EIF4G3: variants seen among roughly 807,000 people sequenced by gnomAD.
EIF4G3 encodes the protein eukaryotic translation initiation factor 4 gamma 3, also known as eIF-4-gamma 3.
A neutral mutation model predicts 186.4 loss-of-function variants in EIF4G3; 34 were observed. The ratio of observed to expected loss-of-function variants is 0.18; its 90% CI spans 0.14 to 0.24. The LOEUF is 0.24. Among genes scored for constraint, EIF4G3 ranks in the 10% least tolerant of loss-of-function variants. The pLI, the probability that EIF4G3 is intolerant of heterozygous loss-of-function variation, is 1.00. For synonymous variants in EIF4G3, 673 were observed against 679.5 expected (o/e 0.99, Z 0.15); for missense variants, 1,536 against 1,948.5 (o/e 0.79, Z 3.99).
chr1:21,159,496 G>C (rs1425125945), intron 2 of EIF4G3, among the ~76,000 whole-genome samples: 1 of 152,112 alleles, frequency 6.6e-6, no homozygotes, highest in Non-Finnish European at 1.5e-5. Flanking sequence ...CAGCACTTTG[G>C]GAGGCCGAAG....
chr1:20,940,700 G>T (rs2095680733), intron 14 of EIF4G3, among the ~76,000 whole-genome samples: 1 of 152,186 alleles, frequency 6.6e-6, no homozygotes, highest in African/African-American at 2.4e-5. Context: ...CAGAAGATAG[G>T]CTGTGCTGAA....
rs761064914 is a variant in EIF4G3, at chr1:20,980,403, G to C, written c.424C>G (p.Pro142Ala). ...GGACCTGGCCCCGGTGGTTGAACTGGATATTGTTGGGGGGGCCCAACATAA... is the reference window on the plus strand; with the variant it reads ...GGACCTGGCCCCGGTGGTTGAACTGCATATTGTTGGGGGGGCCCAACATAA... Reference protein sequence around the residue: ...PPYVGPPQQYPVQPPGPGPFY... With the variant: ...PPYVGPPQQYAVQPPGPGPFY... The change falls in exon 10 of 37, where the codon CCA becomes GCA. Residue 142 changes from proline (P) to alanine (A), a missense_variant. Pro to Ala is a conservative substitution (Grantham distance 27). Around this residue, in one of 11 missense-constraint regions of EIF4G3, gnomAD observed 194 missense variants for 212.8 expected, o/e 0.91. Coordinates refer to ENST00000602326, the MANE Select transcript of EIF4G3 (RefSeq NM_001391906.1). 2 of 1,544,564 alleles carry C rather than the reference G, an allele frequency of 1.3e-6. No homozygotes were observed. Among genetic ancestry groups the C allele is most frequent in the South Asian group, 1.2e-5 (1 of 80,642 alleles).
intron 3 of EIF4G3, among the ~76,000 whole-genome samples, chr1:21,064,359 C>A (rs2095117226): frequency 6.6e-6 from 1 of 152,146 alleles, no homozygotes; most frequent in Non-Finnish European, 1.5e-5. Flanking sequence ...TATGACAGTA[C>A]TTGCAGACAA....
At chr1:21,169,493 T>C (rs1404904445) in intron 2 of EIF4G3, among the ~76,000 whole-genome samples, 1 of 152,164 alleles carries the variant, frequency 6.6e-6, no homozygotes, top group Non-Finnish European at 1.5e-5. Context: ...AAAGGGGTTG[T>C]CTCCACTAAT....
At chr1:20,891,917 CAG>C (rs763779025) in intron 18 of EIF4G3, among the ~76,000 whole-genome samples, 1 of 151,780 alleles carries the variant, frequency 6.6e-6, no homozygotes, top group Non-Finnish European at 1.5e-5. Context: ...GTGTGAGAAA[CAG>C]AGTATCTCAC....
chr1:20,872,713 CT>C (rs386366427), intron 20 of EIF4G3, among the ~76,000 whole-genome samples: 215 of 81,874 alleles, frequency 2.6e-3, no homozygotes, highest in African/African-American at 5.0e-3. Context: ...ACTTTCTTGC[CT>C]TTTTTTTTTT....
At chr1:20,974,650 A>T (rs527349654) in intron 10 of EIF4G3, among the ~76,000 whole-genome samples, 1 of 152,334 alleles carries the variant, frequency 6.6e-6, no homozygotes, top group African/African-American at 2.4e-5. Context: ...ATTGAGCTAT[A>T]GCTGGACAAA....
intron 4 of EIF4G3, among the ~76,000 whole-genome samples, chr1:21,011,009 A>G (rs904782369): frequency 1.3e-5 from 2 of 152,176 alleles, no homozygotes; most frequent in African/African-American, 4.8e-5. Context: ...AATAAATACT[A>G]AGATGTCACA....
chr1:21,064,627 ATC>A (rs1474569883), intron 3 of EIF4G3: 1 of 152,188 alleles, frequency 6.6e-6, no homozygotes, highest in African/African-American at 2.4e-5. Flanking sequence ...CAAAACCTTG[ATC>A]AGTTAGGAAT....
rs1048927183 is a variant in EIF4G3, at chr1:20,806,794, A to C, written c.*525T>G. On this transcript the variant is annotated 3_prime_UTR_variant, in exon 37 of 37. Transcript: ENST00000602326. ...GAGGCAGGCAGAAAGATTTGATGCC[A>C]AAAAAAAAAAAATCTTTCTTACCTT... 7.1e-6 allele frequency: 1 copy of C among 141,292 alleles called. No homozygotes were observed. Among genetic ancestry groups the C allele is most frequent in the South Asian group, 2.2e-4 (1 of 4,594 alleles). The allele number at this position is 141,292 out of a possible 1,614,324, so 8.8% of individuals were successfully genotyped here.
chr1:21,146,689 G>A (rs1021160703), intron 2 of EIF4G3, among the ~76,000 whole-genome samples: 7 of 152,050 alleles, frequency 4.6e-5, no homozygotes, highest in East Asian at 1.9e-4. Flanking sequence ...CCCAGGAGGT[G>A]GAGGTTGCAG....
intron 19 of EIF4G3, among the ~76,000 whole-genome samples, chr1:20,885,632 T>C (rs2154554884): frequency 6.6e-6 from 1 of 152,278 alleles, no homozygotes; most frequent in African/African-American, 2.4e-5. Context: ...GAATTGACAT[T>C]GTGTATAAAG....
chr1:20,821,310 G>A (rs946630069), intron 33 of EIF4G3, among the ~76,000 whole-genome samples: 1 of 152,242 alleles, frequency 6.6e-6, no homozygotes, highest in African/African-American at 2.4e-5. Flanking sequence ...AGCTGCACCA[G>A]AAATGGTGTG....
Position 20,899,797 on chromosome 1 carries a change from T to A in EIF4G3, c.1899A>T (p.Val633=). 1 of 1,614,186 alleles carries A rather than the reference T, an allele frequency of 6.2e-7. No individual in the cohort carries two copies. Among genetic ancestry groups the A allele is most frequent in the Non-Finnish European group, 8.5e-7 (1 of 1,180,032 alleles). The change falls in exon 16 of 37, where the codon GTA becomes GTT. Residue 633 remains valine (V), a synonymous_variant. Transcript: ENST00000602326. ...VEENGEEAEP[V]RNGAESVSEG... ...CAGAAACACTCTCAGCACCATTACG[T>A]ACTGGCTCAGCTTCTTCTCCATTTT...
chr1:21,026,945 A>AG (rs1328109443), intron 4 of EIF4G3, among the ~76,000 whole-genome samples: 1 of 151,610 alleles, frequency 6.6e-6, no homozygotes, highest in Admixed American at 6.6e-5. Context: ...TCAAAAAAAA[A>AG]AAAAAAAAAA....
intron 12 of EIF4G3, among the ~76,000 whole-genome samples, chr1:20,961,886 TA>T (rs2096578004): frequency 6.6e-6 from 1 of 152,222 alleles, no homozygotes; most frequent in Non-Finnish European, 1.5e-5. Flanking sequence ...CCACTATTTT[TA>T]TCGTAGTCAC....
At chr1:20,962,919 G>GTT (rs200757094) in intron 12 of EIF4G3, among the ~76,000 whole-genome samples, 8 of 123,798 alleles carry the variant, frequency 6.5e-5, no homozygotes, top group African/African-American at 5.7e-5. Context: ...TTTTTTTTTT[G>GTT]TTTTTTTTTT....
chr1:20,842,828 C>T (rs1195521381), intron 29 of EIF4G3, among the ~76,000 whole-genome samples: 1 of 151,688 alleles, frequency 6.6e-6, no homozygotes, highest in Non-Finnish European at 1.5e-5. Flanking sequence ...GTCTCTTCAT[C>T]CTTGTGGGTC....
At chr1:21,104,874 C>A (rs534372757) in intron 2 of EIF4G3, among the ~76,000 whole-genome samples, 1 of 151,592 alleles carries the variant, frequency 6.6e-6, no homozygotes, top group Non-Finnish European at 1.5e-5. Context: ...AAATACTACA[C>A]GCCCATAAAA....
Sources: allele counts gnomAD v4.1 joint callset (sites outside exome capture counted in the v4.1 genomes callset), GRCh38; gene constraint gnomAD v4.1.1; regional missense constraint gnomAD v4.1.1; transcripts MANE v1.5; gene names NCBI Gene and HGNC (gene_info 2026-07-23, HGNC 2026-07-21).